ERC1: variants seen among roughly 807,000 people sequenced by gnomAD.
ERC1 encodes the protein ELKS/RAB6-interacting/CAST family member 1, also known as RAB6 interacting protein 2.
In ERC1, 56 loss-of-function variants were observed where a neutral mutation model predicts 132.0. The ratio of observed to expected loss-of-function variants is 0.42; its 90% CI spans 0.34 to 0.53. The LOEUF (loss-of-function observed/expected upper bound fraction) is 0.53, where lower values mean the gene tolerates loss of function less well. ERC1 is among the 20% of genes least tolerant of loss of function. ERC1 has a pLI of 0.03. For synonymous variants in ERC1, 478 were observed against 476.1 expected, an observed-to-expected ratio of 1.00 and a Z score of -0.05; for missense variants, 1,202 against 1,349.9, an observed-to-expected ratio of 0.89 and a Z score of 1.72.
chr12:1,174,731 G>A (rs1280274652), intron 8 of ERC1, among the ~76,000 whole-genome samples: 2 of 152,148 alleles, frequency 1.3e-5, no homozygotes, highest in African/African-American at 4.8e-5. Context: ...AAACTTGGTT[G>A]GTTCTGTGAA....
At chr12:1,401,218 G>A (rs1377613291) in intron 16 of ERC1, among the ~76,000 whole-genome samples, 5 of 152,080 alleles carry the variant, frequency 3.3e-5, no homozygotes, top group African/African-American at 4.8e-5. Flanking sequence ...ACAGGCGTGA[G>A]CCACCGCGCC....
At chr12:1,264,654 A>T (rs964601850) in intron 14 of ERC1, among the ~76,000 whole-genome samples, 1 of 151,602 alleles carries the variant, frequency 6.6e-6, no homozygotes, top group Non-Finnish European at 1.5e-5. Context: ...ACAGAGCGAG[A>T]CTCTGTCTCA....
chr12:1,292,610 G>A (rs916437780), intron 15 of ERC1, among the ~76,000 whole-genome samples: 2 of 152,120 alleles, frequency 1.3e-5, no homozygotes, highest in Non-Finnish European at 2.9e-5. Context: ...CCCACAAACA[G>A]AGAATAAATT....
intron 16 of ERC1, chr12:1,391,170 A>T (rs1217372472): frequency 6.6e-6 from 1 of 152,026 alleles, no homozygotes; most frequent in Non-Finnish European, 1.5e-5. Flanking sequence ...ATGCGATATG[A>T]CTCTGGGTCT....
intron 1 of ERC1, among the ~76,000 whole-genome samples, chr12:1,006,300 T>TGGA (rs2154135424): frequency 6.6e-6 from 1 of 152,306 alleles, no homozygotes; most frequent in African/African-American, 2.4e-5. Context: ...TCGCTCAGGC[T>TGGA]GGAGCTCATT....
At chr12:1,126,079 C>A (rs1419442986) in intron 7 of ERC1, among the ~76,000 whole-genome samples, 2 of 152,124 alleles carry the variant, frequency 1.3e-5, no homozygotes, top group African/African-American at 4.8e-5. Flanking sequence ...TGAATATACT[C>A]AACACTACTG....
chr12:1,370,839 G>A (rs1361210157), intron 15 of ERC1, among the ~76,000 whole-genome samples: 1 of 152,028 alleles, frequency 6.6e-6, no homozygotes, highest in East Asian at 1.9e-4. Context: ...TCCTACCTTA[G>A]TCTCCCGAGT....
Position 1,102,266 on chromosome 12 carries a change from T to C in ERC1, c.1087-2484T>C, listed in dbSNP as rs77780638. On this transcript the variant is annotated intron_variant, in intron 3 of 18. Coordinates refer to ENST00000360905, the MANE Select transcript of ERC1 (RefSeq NM_178040.4). ...TCAGTGGAGAGGTGAGGATAGAAAC[T>C]GGCTGATCATTCATTCATCATTCAT... is the stretch of plus-strand genomic sequence containing the variant. Among the ~76,000 whole-genome samples the C allele has an allele frequency of 3.5e-3, 537 of 152,276 alleles. 6 individuals carry two copies. Among genetic ancestry groups the C allele is most frequent in the African/African-American group, 0.012 (504 of 41,554 alleles).
chr12:1,024,186 G>A lies in ERC1; in HGVS notation c.-156-3562G>A, dbSNP rs1341576377. On this transcript the variant is annotated intron_variant, in intron 1 of 18. Transcript: ENST00000360905. ...CGTTGGGCCCAGGAGTTCGAGACCA[G>A]ACTGGGCAACATGGTGAAACCCCAC... Among the ~76,000 whole-genome samples, 10 of 152,176 alleles carry A rather than the reference G, an allele frequency of 6.6e-5. No individual in the cohort carries two copies. In the South Asian group the frequency reaches 2.1e-3, roughly 32 times the overall value.
Position 1,028,177 on chromosome 12 carries a change from G to C in ERC1, c.274G>C (p.Gly92Arg). ...SETPKSTMTL[G>R]RSGGRLPYGV... Reference sequence around the variant, plus strand: ...AACACCTAAAAGCACCATGACACTTGGCCGTTCTGGGGGACGTCTGCCTTA... The same window carrying C: ...AACACCTAAAAGCACCATGACACTTCGCCGTTCTGGGGGACGTCTGCCTTA... Residue 92 changes from glycine (G) to arginine (R), a missense_variant, in exon 2 of 19, where the codon GGC becomes CGC. Coordinates refer to ENST00000360905, the MANE Select transcript of ERC1 (RefSeq NM_178040.4). The C allele has an allele frequency of 6.2e-7, 1 of 1,614,208 alleles. No individual in the cohort carries two copies. Among genetic ancestry groups the C allele is most frequent in the Non-Finnish European group, 8.5e-7 (1 of 1,180,042 alleles).
chr12:1,290,254 A>G (rs1036005898), intron 15 of ERC1, among the ~76,000 whole-genome samples: 1 of 152,162 alleles, frequency 6.6e-6, no homozygotes, highest in Non-Finnish European at 1.5e-5. Context: ...TCTGTGTGTA[A>G]TTACCTCTCT....
intron 7 of ERC1, among the ~76,000 whole-genome samples, chr12:1,135,377 C>A (rs890062005): frequency 1.3e-5 from 2 of 152,126 alleles, no homozygotes; most frequent in Non-Finnish European, 2.9e-5. Flanking sequence ...TATGTGTACA[C>A]TTCTGTATAT....
At chr12:1,364,109 G>A (rs530342099) in intron 15 of ERC1, among the ~76,000 whole-genome samples, 4 of 152,314 alleles carry the variant, frequency 2.6e-5, no homozygotes, top group African/African-American at 9.6e-5. Flanking sequence ...ATTTTGTGTT[G>A]CATATTCATT....
At chr12:1,333,273 A>G (rs912494724) in intron 15 of ERC1, among the ~76,000 whole-genome samples, 2 of 151,440 alleles carry the variant, frequency 1.3e-5, no homozygotes, top group Non-Finnish European at 2.9e-5. Flanking sequence ...CCTGCAAAGG[A>G]CATGATCTCA....
intron 2 of ERC1, among the ~76,000 whole-genome samples, chr12:1,052,636 C>G (rs1972221120): frequency 6.6e-6 from 1 of 152,072 alleles, no homozygotes; most frequent in African/African-American, 2.4e-5. Flanking sequence ...ATTGTATACT[C>G]CATCTGAGAA....
intron 15 of ERC1, among the ~76,000 whole-genome samples, chr12:1,308,956 C>T (rs543643883): frequency 3.2e-4 from 48 of 152,216 alleles, no homozygotes; most frequent in Admixed American, 6.5e-4. Flanking sequence ...GGATTCGTGT[C>T]CTTGTAGGAG....
At chr12:1,230,071 A>G (rs1013915780) in intron 12 of ERC1, among the ~76,000 whole-genome samples, 3 of 146,644 alleles carry the variant, frequency 2.0e-5, no homozygotes, top group African/African-American at 5.2e-5. Context: ...CAATGGCACA[A>G]TCTTGGCTCA....
intron 15 of ERC1, among the ~76,000 whole-genome samples, chr12:1,355,528 G>A (rs1224413292): frequency 1.3e-5 from 2 of 152,146 alleles, no homozygotes; most frequent in Admixed American, 6.5e-5. Flanking sequence ...ATATTTGACC[G>A]TGGAAATCTT....
At chr12:1,180,325 T>C (rs1156439953) in intron 8 of ERC1, among the ~76,000 whole-genome samples, 1 of 151,908 alleles carries the variant, frequency 6.6e-6, no homozygotes, top group African/African-American at 2.4e-5. Context: ...GTGTACTTTT[T>C]TTTGTTTTGC....
Sources: allele counts gnomAD v4.1 joint callset (sites outside exome capture counted in the v4.1 genomes callset), GRCh38; gene constraint gnomAD v4.1.1; transcripts MANE v1.5; gene names NCBI Gene and HGNC (gene_info 2026-07-23, HGNC 2026-07-21).